The following CAPS2 variants were observed in gnomAD, a reference collection of about 807,000 sequenced individuals.
CAPS2 encodes calcyphosin-2.
CAPS2 carries 98 observed loss-of-function variants against 86.5 expected under a neutral mutation model. That is an observed-to-expected ratio of 1.13 (90% CI 0.96 to 1.34). The LOEUF is 1.34. Among genes scored for constraint, CAPS2 ranks in the 40% most tolerant of loss-of-function variants. The pLI, the probability that CAPS2 is intolerant of heterozygous loss-of-function variation, is 0.00. For missense variants in CAPS2, 729 were observed against 686.8 expected (o/e 1.06, Z -0.69); for synonymous variants, 210 against 225.1 (o/e 0.93, Z 0.60).
intron 1 of CAPS2, among the ~76,000 whole-genome samples, chr12:75,344,311 C>CT (rs897168109): frequency 1.7e-4 from 26 of 152,094 alleles, no homozygotes; most frequent in African/African-American, 5.5e-4. Flanking sequence ...ATGCTCTTGT[C>CT]TTTTTTCTTG....
At chr12:75,308,342 T>C (rs2038750788) in intron 7 of CAPS2, among the ~76,000 whole-genome samples, 1 of 152,210 alleles carries the variant, frequency 6.6e-6, no homozygotes, top group Admixed American at 6.5e-5. Context: ...TGTCATTACA[T>C]ACATTTACAT....
chr12:75,372,191 T>C (rs2044404160), intron 1 of CAPS2, among the ~76,000 whole-genome samples: 1 of 152,112 alleles, frequency 6.6e-6, no homozygotes, highest in African/African-American at 2.4e-5. Context: ...ATTTTTGTAT[T>C]TTTAGTAGAT....
At chr12:75,358,785 T>C (rs1361765201) in intron 1 of CAPS2, among the ~76,000 whole-genome samples, 1 of 144,044 alleles carries the variant, frequency 6.9e-6, no homozygotes, top group Admixed American at 7.1e-5. Flanking sequence ...ATATATAATA[T>C]ATAACAATAT....
intron 1 of CAPS2, among the ~76,000 whole-genome samples, chr12:75,377,489 C>G (rs1566032877): frequency 1.3e-5 from 2 of 152,186 alleles, no homozygotes. Flanking sequence ...AGCCATCAGT[C>G]TGTGAACAGA....
intron 14 of CAPS2, among the ~76,000 whole-genome samples, chr12:75,286,708 G>A (rs1388222636): frequency 6.6e-6 from 1 of 151,704 alleles, no homozygotes; most frequent in African/African-American, 2.4e-5. Context: ...AAACATTCTT[G>A]TTTCAAAATT....
At chr12:75,329,892 G>C, upstream of CAPS2, 3 of 1,543,854 alleles carry the variant, frequency 1.9e-6, no homozygotes, top group Non-Finnish European at 2.6e-6. Context: ...GGACAGGACA[G>C]GCGAGGGGCA....
intron 7 of CAPS2, among the ~76,000 whole-genome samples, chr12:75,307,450 C>T (rs2038640145): frequency 6.6e-6 from 1 of 152,150 alleles, no homozygotes; most frequent in African/African-American, 2.4e-5. Flanking sequence ...TGGCAGTAAA[C>T]ACACAGTTTG....
At chr12:75,341,344 G>GT (rs2042091100) in intron 1 of CAPS2, among the ~76,000 whole-genome samples, 1 of 152,204 alleles carries the variant, frequency 6.6e-6, no homozygotes, top group Non-Finnish European at 1.5e-5. Flanking sequence ...ATCAACACAT[G>GT]TAACATCCCC....
chr12:75,331,002 C>T (rs1253413084), upstream of CAPS2, among the ~76,000 whole-genome samples: 1 of 152,070 alleles, frequency 6.6e-6, no homozygotes, highest in East Asian at 1.9e-4. Flanking sequence ...GCAGGCTGGT[C>T]TCGAACTCCT....
intron 7 of CAPS2, among the ~76,000 whole-genome samples, chr12:75,308,678 G>T (rs2038789960): frequency 6.6e-6 from 1 of 152,002 alleles, no homozygotes; most frequent in Admixed American, 6.6e-5. Context: ...GGGAAATGAG[G>T]CAGGAAAATA....
chr12:75,335,288 T>G (rs1381928848), intron 1 of CAPS2, among the ~76,000 whole-genome samples: 1 of 152,190 alleles, frequency 6.6e-6, no homozygotes, highest in African/African-American at 2.4e-5. Flanking sequence ...GGAATGGAGA[T>G]TCTCTTGTTC....
chr12:75,326,620 A>G (rs1242024677), upstream of CAPS2: 2 of 664,628 alleles, frequency 3.0e-6, no homozygotes, highest in African/African-American at 3.6e-5. Flanking sequence ...CCTGGAAAGA[A>G]ATCATAAGGT....
chr12:75,343,872 T>A, intron 1 of CAPS2: 1 of 1,612,480 alleles, frequency 6.2e-7, no homozygotes, highest in Non-Finnish European at 8.5e-7. Context: ...CGGCTTGGTA[T>A]AATGAAACCC....
chr12:75,387,286 T>C (rs1055981795), intron 1 of CAPS2, among the ~76,000 whole-genome samples: 3 of 152,126 alleles, frequency 2.0e-5, no homozygotes, highest in Non-Finnish European at 4.4e-5. Flanking sequence ...AGACATACAG[T>C]ACTCAAATAA....
intron 1 of CAPS2, chr12:75,363,118 A>G: frequency 6.4e-7 from 1 of 1,555,464 alleles, no homozygotes; most frequent in Non-Finnish European, 8.6e-7. Flanking sequence ...TTTTGCAAAT[A>G]TGCCTCCTTA....
intron 6 of CAPS2, among the ~76,000 whole-genome samples, chr12:75,314,200 A>G (rs997645780): frequency 6.6e-6 from 1 of 152,150 alleles, no homozygotes; most frequent in Non-Finnish European, 1.5e-5. Flanking sequence ...GACTATAGGT[A>G]TGAGCCACCA....
At chr12:75,276,316 A>G, downstream of CAPS2, 2 of 1,501,474 alleles carry the variant, frequency 1.3e-6, no homozygotes, top group Non-Finnish European at 1.8e-6. Flanking sequence ...ATAATCTCAT[A>G]AAAGCATGTT....
chr12:75,337,829 C>A (rs1023628438), intron 1 of CAPS2, among the ~76,000 whole-genome samples: 1 of 151,596 alleles, frequency 6.6e-6, no homozygotes, highest in Non-Finnish European at 1.5e-5. Flanking sequence ...TATTATTTTT[C>A]GACTATTGTC....
At chr12:75,299,881 A>G in exon 9 of CAPS2, 2 of 1,530,760 alleles carry the variant, frequency 1.3e-6, no homozygotes, top group Non-Finnish European at 8.9e-7. Flanking sequence ...GAGAAAGCAC[A>G]TTTTCAGTTA....
Sources: allele counts gnomAD v4.1 joint callset (sites outside exome capture counted in the v4.1 genomes callset), GRCh38; gene constraint gnomAD v4.1.1; transcripts MANE v1.5; gene names NCBI Gene and HGNC (gene_info 2026-07-23, HGNC 2026-07-21).